CORO2B: variants seen among roughly 807,000 people sequenced by gnomAD.
CORO2B encodes the protein coronin 2B, also known as coronin-2B.
CORO2B carries 26 observed loss-of-function variants against 58.8 expected under a neutral mutation model. The ratio of observed to expected loss-of-function variants is 0.44; its 90% CI spans 0.32 to 0.61. The LOEUF is 0.61. Among genes scored for constraint, CORO2B ranks in the 20% least tolerant of loss-of-function variants. The pLI, the probability that CORO2B is intolerant of heterozygous loss-of-function variation, is 0.04. For synonymous variants in CORO2B, 242 were observed against 253.8 expected (o/e 0.95, Z 0.44); for missense variants, 460 against 645.1 (o/e 0.71, Z 3.11).
the CORO2B span, among the ~76,000 whole-genome samples, chr15:68,542,682 T>C: frequency 6.6e-6 from 1 of 152,248 alleles, no homozygotes; most frequent in Non-Finnish European, 1.5e-5. Flanking sequence ...GAAGGAGACA[T>C]AGCCAACTCC....
intron 3 of CORO2B, among the ~76,000 whole-genome samples, chr15:68,707,834 T>A (rs1343230788): frequency 2.6e-5 from 4 of 152,186 alleles, no homozygotes; most frequent in Non-Finnish European, 5.9e-5. Flanking sequence ...CTGCACCCTC[T>A]CAGTCACTTC....
intron 2 of CORO2B, among the ~76,000 whole-genome samples, chr15:68,683,536 A>G (rs1378178552): frequency 1.3e-5 from 2 of 152,114 alleles, no homozygotes; most frequent in Non-Finnish European, 2.9e-5. Context: ...CACTGCTCGC[A>G]TTTCCAACAG....
rs571839762 is a variant in CORO2B at position 68,679,256 on chromosome 15, G to A, written c.217-15884G>A. ...GGTTCTTGTCTGTGTTTGGTGAGCT[G>A]GGTGGAGATTCAACATATAACCCCA... On this transcript the variant is annotated intron_variant, in intron 2 of 11. Coordinates refer to ENST00000261861, the MANE Select transcript of CORO2B (RefSeq NM_006091.5). Among the ~76,000 whole-genome samples, 8 of 152,382 alleles carry A rather than the reference G, an allele frequency of 5.2e-5. No homozygotes were observed. The East Asian group carries it at 1.5e-3, about 29-fold the overall frequency.
chr15:68,525,872 ACTT>A, the CORO2B span, among the ~76,000 whole-genome samples: 2 of 152,230 alleles, frequency 1.3e-5, no homozygotes, highest in African/African-American at 2.4e-5. Flanking sequence ...GATATAAAAC[ACTT>A]CTTCTGCCCA....
At chr15:68,605,711 GTTTTTTT>G (rs35340917) in intron 1 of CORO2B, among the ~76,000 whole-genome samples, 12 of 99,140 alleles carry the variant, frequency 1.2e-4, no homozygotes, top group African/African-American at 5.6e-4. Flanking sequence ...GGGCTCTTGG[GTTTTTTT>G]TTTTTTTTTT....
At chr15:68,695,927 AG>A (rs1892499620) in intron 3 of CORO2B, among the ~76,000 whole-genome samples, 1 of 151,830 alleles carries the variant, frequency 6.6e-6, no homozygotes. Flanking sequence ...CAATTTAGAG[AG>A]GGGGATAAAG....
chr15:68,531,537 AAG>A, the CORO2B span, among the ~76,000 whole-genome samples: 2 of 133,600 alleles, frequency 1.5e-5, no homozygotes, highest in Non-Finnish European at 1.6e-5. Flanking sequence ...GGAAGGAAGG[AAG>A]GAAGGAAGGA....
intron 2 of CORO2B, among the ~76,000 whole-genome samples, chr15:68,681,614 G>A (rs1382815651): frequency 6.6e-6 from 1 of 152,136 alleles, no homozygotes; most frequent in Admixed American, 6.5e-5. Flanking sequence ...CCCCTGTAGG[G>A]TTGAGCAAAC....
At chr15:68,542,733 C>G in the CORO2B span, among the ~76,000 whole-genome samples, 1 of 152,254 alleles carries the variant, frequency 6.6e-6, no homozygotes, top group Non-Finnish European at 1.5e-5. Context: ...GGTCATTTGT[C>G]ACCTCTGCTC....
intron 11 of CORO2B, among the ~76,000 whole-genome samples, chr15:68,723,838 G>T (rs1893226826): frequency 6.6e-6 from 1 of 152,198 alleles, no homozygotes; most frequent in Admixed American, 6.5e-5. Flanking sequence ...TACTCAGGAG[G>T]CTCAGGTGGG....
At chr15:68,696,111 G>T (rs540700036) in intron 3 of CORO2B, among the ~76,000 whole-genome samples, 2 of 151,494 alleles carry the variant, frequency 1.3e-5, no homozygotes, top group Admixed American at 6.6e-5. Context: ...CTAGGTGGGT[G>T]TGGTGGTGCA....
chr15:68,723,789 A>G (rs920520508), intron 11 of CORO2B, among the ~76,000 whole-genome samples: 1 of 152,150 alleles, frequency 6.6e-6, no homozygotes, highest in African/African-American at 2.4e-5. Flanking sequence ...TTTTAAACAT[A>G]AAACATGCGA....
intron 3 of CORO2B, among the ~76,000 whole-genome samples, chr15:68,699,958 TG>T (rs1017808431): frequency 2.0e-5 from 3 of 152,060 alleles, no homozygotes; most frequent in Non-Finnish European, 4.4e-5. Context: ...CCAACCTGGG[TG>T]CTGGGGGAAA....
intron 1 of CORO2B, among the ~76,000 whole-genome samples, chr15:68,603,352 AATT>A (rs374122575): frequency 6.6e-6 from 1 of 152,240 alleles, no homozygotes; most frequent in Non-Finnish European, 1.5e-5. Context: ...ACCTCCAAAT[AATT>A]ATTATCTTAA....
chr15:68,637,269 C>G (rs1396431369), intron 1 of CORO2B, among the ~76,000 whole-genome samples: 1 of 152,176 alleles, frequency 6.6e-6, no homozygotes, highest in Non-Finnish European at 1.5e-5. Context: ...AGCCTGGAGT[C>G]CACTGGGAAT....
At chr15:68,522,868 T>C in the CORO2B span, among the ~76,000 whole-genome samples, 1 of 152,356 alleles carries the variant, frequency 6.6e-6, no homozygotes, top group South Asian at 2.1e-4. Context: ...TTTTTTCTCT[T>C]GGTCTTGTAA....
At chr15:68,548,476 CAG>C in the CORO2B span, among the ~76,000 whole-genome samples, 6 of 152,108 alleles carry the variant, frequency 3.9e-5, no homozygotes, top group Non-Finnish European at 8.8e-5. Flanking sequence ...TCACTAAATG[CAG>C]AGTTGGGAAG....
intron 1 of CORO2B, among the ~76,000 whole-genome samples, chr15:68,597,866 G>C (rs1319828217): frequency 1.3e-5 from 2 of 152,292 alleles, no homozygotes; most frequent in African/African-American, 4.8e-5. Flanking sequence ...CCACTGTGGT[G>C]GTCCAGGCGA....
intron 2 of CORO2B, among the ~76,000 whole-genome samples, chr15:68,691,185 C>T (rs1461575598): frequency 8.6e-5 from 13 of 150,424 alleles, no homozygotes; most frequent in Non-Finnish European, 1.5e-4. Flanking sequence ...AAAAATTAGC[C>T]GGGCAAGGTG....
Sources: allele counts gnomAD v4.1 joint callset (sites outside exome capture counted in the v4.1 genomes callset), GRCh38; gene constraint gnomAD v4.1.1; transcripts MANE v1.5; gene names NCBI Gene and HGNC (gene_info 2026-07-23, HGNC 2026-07-21).